The following SLC16A10 variants were observed in gnomAD, a reference collection of about 807,000 sequenced individuals.
SLC16A10 encodes solute carrier family 16 member 10.
In SLC16A10, 27 loss-of-function variants were observed where a neutral mutation model predicts 40.0. The ratio of observed to expected loss-of-function variants is 0.67; its 90% confidence interval spans 0.50 to 0.93. The LOEUF is 0.93. Ranked by LOEUF, SLC16A10 falls within the 40% of genes least tolerant of loss-of-function variation. The probability of loss-of-function intolerance (pLI) is 0.00; values close to 1 mark genes in which losing one functional copy is unlikely to be tolerated. For missense variants in SLC16A10, 529 were observed against 658.2 expected (o/e 0.80, Z 2.15); for synonymous variants, 213 against 249.8 (o/e 0.85, Z 1.39).
chr6:111,093,989 T>C (rs1268899076), intron 1 of SLC16A10, among the ~76,000 whole-genome samples: 1 of 152,204 alleles, frequency 6.6e-6, no homozygotes, highest in Non-Finnish European at 1.5e-5. Context: ...GAATTCTAAT[T>C]AAATACAACA....
rs758165599 is a variant in SLC16A10, at chr6:111,087,933, C to G, written c.181C>G (p.Pro61Ala). ...GCCGGCGACCGCGGAGCCCCATGAG[C>G]CCCCCGAACCCCCCGAGGGCGGCTG... ...AGPATAEPHE[P>A]PEPPEGGWGW... is the part of the protein sequence containing the mutation. The change falls in exon 1 of 6, where the codon CCC becomes GCC. Residue 61 changes from proline to alanine, a missense_variant. Coordinates refer to ENST00000368851, the MANE Select transcript of SLC16A10 (RefSeq NM_018593.5). 6.2e-7 allele frequency: 1 copy of G among 1,602,906 alleles called. No homozygotes were observed. The highest frequency in any genetic ancestry group is 2.3e-5 in the East Asian group (1 of 44,088).
rs569951351 is a variant in SLC16A10 at position 111,211,341 on chromosome 6, C to G, written c.1086+4606C>G. On this transcript the variant is annotated intron_variant, in intron 4 of 5. Transcript: ENST00000368851. ...TTTTGGAGCACATTTTAATACCTGA[C>G]TGTTTCCAGTAATTTACAAAAGAAA... 9.3e-4 allele frequency among the ~76,000 whole-genome samples: 141 copies of G among 152,348 alleles called. 1 individual carries two copies. Among genetic ancestry groups the G allele is most frequent in the Non-Finnish European group, 1.4e-3 (97 of 68,032 alleles).
chr6:111,224,798 T>C lies in SLC16A10; in HGVS notation c.*2563T>C, dbSNP rs1278733530. ...TAGTCAAACTAAATCCTTTCTAATT[T>C]CTGAATGAAGTGTTACTGCTGCAAT... On this transcript the variant is annotated 3_prime_UTR_variant, in exon 6 of 6. Coordinates refer to ENST00000368851, the MANE Select transcript of SLC16A10 (RefSeq NM_018593.5). 6.6e-6 allele frequency: 1 copy of C among 152,224 alleles called. No individual in the cohort carries two copies. Among genetic ancestry groups the C allele is most frequent in the Non-Finnish European group, 1.5e-5 (1 of 68,034 alleles). The allele number at this position is 152,224 out of a possible 1,614,324, so 9.4% of individuals were successfully genotyped here. A position where few individuals can be genotyped will look rare whatever the true frequency, so the allele number is the denominator to read the frequency against.
chr6:111,113,096 A>G (rs901555417), intron 1 of SLC16A10, among the ~76,000 whole-genome samples: 1 of 152,204 alleles, frequency 6.6e-6, no homozygotes, highest in Non-Finnish European at 1.5e-5. Flanking sequence ...TAAAAGATAA[A>G]AAGATGCAGT....
intron 1 of SLC16A10, among the ~76,000 whole-genome samples, chr6:111,098,652 CTG>C (rs1361690568): frequency 9.9e-5 from 15 of 152,184 alleles, no homozygotes; most frequent in Admixed American, 9.2e-4. Context: ...AGTCTGGAGA[CTG>C]TTTTTATTAA....
At chr6:111,220,972 T>C (rs550852895) in intron 5 of SLC16A10, among the ~76,000 whole-genome samples, 59 of 152,354 alleles carry the variant, frequency 3.9e-4, no homozygotes, top group Non-Finnish European at 7.9e-4. Flanking sequence ...ATTCCAAAGA[T>C]AGAAAACTTG....
chr6:111,141,816 C>T (rs552961105), intron 1 of SLC16A10, among the ~76,000 whole-genome samples: 1 of 152,194 alleles, frequency 6.6e-6, no homozygotes, highest in East Asian at 1.9e-4. Flanking sequence ...AATAAATGGA[C>T]AGATATTCCA....
intron 1 of SLC16A10, among the ~76,000 whole-genome samples, chr6:111,112,341 T>C (rs1201564876): frequency 6.6e-6 from 1 of 152,222 alleles, no homozygotes; most frequent in African/African-American, 2.4e-5. Context: ...GGCCAGTATT[T>C]GTATTTTTGA....
chr6:111,221,913 C>T, intron 5 of SLC16A10, 90 bp from the exon 6 acceptor site: 3 of 1,195,098 alleles, frequency 2.5e-6, no homozygotes, highest in Non-Finnish European at 2.3e-6. Context: ...AGTCTGATGT[C>T]TGAGATGTCT....
In SLC16A10 at chr6:111,149,595, G is replaced by A. The variant is rs1036752466; in HGVS notation, c.344-23100G>A. Among the ~76,000 whole-genome samples, 63 of 152,102 alleles carry A rather than the reference G, an allele frequency of 4.1e-4. 1 individual carries two copies. Among genetic ancestry groups the A allele is most frequent in the Non-Finnish European group, 5.4e-4 (37 of 68,024 alleles). On this transcript the variant is annotated intron_variant, in intron 1 of 5. Coordinates refer to ENST00000368851, the MANE Select transcript of SLC16A10 (RefSeq NM_018593.5). ...GTATAAAATATCAGATTTCTATAAG[G>A]CTTATAATAAAGAGTAGCATTCCTC... is the stretch of plus-strand genomic sequence containing the variant.
chr6:111,151,287 C>T (rs2114515517), intron 1 of SLC16A10, among the ~76,000 whole-genome samples: 1 of 152,266 alleles, frequency 6.6e-6, no homozygotes, highest in South Asian at 2.1e-4. Context: ...TTCATCACCT[C>T]TCCTTTCCCC....
At chr6:111,120,078 A>G (rs545216467) in intron 1 of SLC16A10, among the ~76,000 whole-genome samples, 2 of 152,380 alleles carry the variant, frequency 1.3e-5, no homozygotes, top group South Asian at 4.1e-4. Context: ...TAATGTCTGT[A>G]TCCATTTCCC....
At chr6:111,098,350 G>T (rs1396228437) in intron 1 of SLC16A10, among the ~76,000 whole-genome samples, 5 of 152,018 alleles carry the variant, frequency 3.3e-5, no homozygotes, top group Non-Finnish European at 5.9e-5. Context: ...TTGAGTCCAG[G>T]AGTTCAAGAA....
intron 3 of SLC16A10, among the ~76,000 whole-genome samples, chr6:111,185,513 A>G (rs941445868): frequency 1.3e-4 from 20 of 152,184 alleles, no homozygotes; most frequent in African/African-American, 4.3e-4. Flanking sequence ...GAAAATATCT[A>G]TACCCTTATT....
At chr6:111,088,822 T>C (rs936712746) in intron 1 of SLC16A10, among the ~76,000 whole-genome samples, 1 of 152,220 alleles carries the variant, frequency 6.6e-6, no homozygotes, top group Non-Finnish European at 1.5e-5. Context: ...GATTCAGCGT[T>C]TTCTCCCTGT....
intron 3 of SLC16A10, among the ~76,000 whole-genome samples, chr6:111,197,173 C>G (rs1773093093): frequency 6.6e-6 from 1 of 152,134 alleles, no homozygotes; most frequent in African/African-American, 2.4e-5. Flanking sequence ...TAAAAAAAGA[C>G]TGAACATCAT....
At chr6:111,099,449 A>G (rs1480832730) in intron 1 of SLC16A10, among the ~76,000 whole-genome samples, 1 of 152,078 alleles carries the variant, frequency 6.6e-6, no homozygotes, top group Non-Finnish European at 1.5e-5. Context: ...AGTAGCTGGG[A>G]CCACAGGCAT....
chr6:111,091,333 G>A (rs1387635339), intron 1 of SLC16A10: 2 of 152,146 alleles, frequency 1.3e-5, no homozygotes, highest in African/African-American at 4.8e-5. Context: ...GCAAGCACCA[G>A]GAGCTGGGTT....
chr6:111,219,283 A>T (rs138170652), intron 5 of SLC16A10, among the ~76,000 whole-genome samples: 1 of 152,250 alleles, frequency 6.6e-6, no homozygotes, highest in East Asian at 1.9e-4. Context: ...ACACTTTGGG[A>T]GGCTGAGGCG....
Sources: gnomAD v4.1 joint callset for allele counts (sites outside exome capture counted in the v4.1 genomes callset) on GRCh38, gnomAD v4.1.1 for gene constraint, MANE v1.5 for transcripts, NCBI Gene and HGNC (gene_info 2026-07-23, HGNC 2026-07-21) for gene names.